WDR3: variants seen among roughly 807,000 people sequenced by gnomAD.
The protein encoded by WDR3 is WD repeat-containing protein 3.
A neutral mutation model predicts 123.7 loss-of-function variants in WDR3; 81 were observed. The ratio of observed to expected loss-of-function variants is 0.65; its 90% CI spans 0.55 to 0.79. WDR3 has a LOEUF of 0.79. Ranked by LOEUF, WDR3 falls within the 30% of genes least tolerant of loss-of-function variation. WDR3 has a pLI of 0.00. For synonymous variants in WDR3, 390 were observed against 388.8 expected (o/e 1.00, Z -0.04); for missense variants, 1,027 against 1,123.2 (o/e 0.91, Z 1.22).
Position 117,965,620 on chromosome 1 carries a change from G to C in WDR3, c.*6173G>C, listed in dbSNP as rs947118611. ...GACTGTTCCCCCACTCCCAGTTCTT[G>C]TCCTCACACATGGCCCATTCAGGTA... On this transcript the variant is annotated 3_prime_UTR_variant, in exon 27 of 27. Transcript: ENST00000349139. 3 of 151,860 alleles carry C rather than the reference G, an allele frequency of 2.0e-5. No individual in the cohort carries two copies. Among genetic ancestry groups the C allele is most frequent in the Non-Finnish European group, 2.9e-5 (2 of 68,018 alleles). 9.4% of individuals were successfully genotyped at this position (151,860 alleles called of 1,614,324 possible). A position where few individuals can be genotyped will look rare whatever the true frequency, so the allele number is the denominator to read the frequency against.
Position 117,950,056 on chromosome 1 carries a change from T to A in WDR3, c.1672T>A (p.Ser558Thr), listed in dbSNP as rs746519634. Residue 558 changes from serine to threonine, a missense_variant, in exon 15 of 27, where the codon TCT (serine) becomes ACT (threonine). By Grantham distance (58) the Ser-to-Thr change is moderately conservative. Coordinates refer to ENST00000349139, the MANE Select transcript of WDR3 (RefSeq NM_006784.3). ...LDEDVLCVSYSPNQKLLAVSL... is the reference protein window; with the variant it reads ...LDEDVLCVSYTPNQKLLAVSL... The stretch of plus-strand genomic sequence containing the variant: ...TGAAGATGTTCTGTGTGTCAGTTAC[T>A]CTCCCAATCAAAAGCTATTGGCTGT... The A allele has an allele frequency of 5.0e-6, 8 of 1,613,910 alleles. No individual in the cohort carries two copies. The East Asian group carries it at 1.6e-4, about 31-fold the overall frequency.
intron 12 of WDR3, among the ~76,000 whole-genome samples, chr1:117,946,928 A>G (rs529935465): frequency 6.3e-4 from 91 of 145,130 alleles, no homozygotes; most frequent in Middle Eastern, 6.8e-3. Flanking sequence ...GTGACAGAGC[A>G]AGACTCCATC....
chr1:117,930,358 G>A (rs969935385), intron 1 of WDR3, among the ~76,000 whole-genome samples: 9 of 152,308 alleles, frequency 5.9e-5, no homozygotes, highest in African/African-American at 1.7e-4. Flanking sequence ...GTGGGCCTCA[G>A]AAGATAATAT....
intron 24 of WDR3, 81 bp from the exon 25 acceptor site, chr1:117,956,985 TAA>T: frequency 8.0e-7 from 1 of 1,248,466 alleles, no homozygotes; most frequent in Non-Finnish European, 1.1e-6. Flanking sequence ...GTAGAAAAAA[TAA>T]TAAAGGGAAG....
intron 9 of WDR3, 144 bp downstream of exon 9, chr1:117,941,991 A>G (rs1048577745): frequency 1.5e-6 from 2 of 1,323,488 alleles, no homozygotes; most frequent in Non-Finnish European, 2.0e-6. Context: ...GATAACCCAA[A>G]TTTGTCAAGT....
chr1:117,955,079 T>C (rs1301616967), intron 23 of WDR3: 3 of 435,788 alleles, frequency 6.9e-6, no homozygotes, highest in Non-Finnish European at 1.2e-5. Context: ...TGAGTCAGGG[T>C]ATCTTCACCT....
intron 3 of WDR3, among the ~76,000 whole-genome samples, chr1:117,935,730 T>C (rs1449897120): frequency 6.6e-6 from 1 of 151,716 alleles, no homozygotes; most frequent in Admixed American, 6.6e-5. Context: ...TAAGTAAATA[T>C]CCGATAGCAA....
Position 117,936,871 on chromosome 1 carries a change from A to C in WDR3, c.484A>C (p.Asn162His), listed in dbSNP as rs144826253. ...ITQALFLREK[N>H]LLVTSGKDTM... ...ACAAGCATTGTTTCTACGAGAAAAGAACCTGCTAGTTACTAGGTAAAGAAA... is the reference window on the plus strand; with the variant it reads ...ACAAGCATTGTTTCTACGAGAAAAGCACCTGCTAGTTACTAGGTAAAGAAA... The change falls in exon 4 of 27, where the codon AAC (asparagine) becomes CAC (histidine). Residue 162 changes from asparagine to histidine, a missense_variant. Physicochemically the swap from Asn to His is moderately conservative, Grantham distance 68. Transcript: ENST00000349139. 1.5e-5 allele frequency: 24 copies of C among 1,612,586 alleles called. No homozygotes were observed. The African/African-American group carries it at 2.8e-4, about 19-fold the overall frequency.
chr1:117,935,882 A>C (rs1313098632), intron 3 of WDR3, among the ~76,000 whole-genome samples: 1 of 151,964 alleles, frequency 6.6e-6, no homozygotes, highest in Non-Finnish European at 1.5e-5. Flanking sequence ...CAATATAAAA[A>C]GAAAGGATTA....
At position 117,962,794 on chromosome 1, in the gene WDR3, C is replaced by G. The variant is rs1054477073; in HGVS notation, c.*3347C>G. ...AGATCTAGGACAGTGCCCAGGAAAG[C>G]AATGGTATCTGTTGGTAGGTACAGG... On this transcript the variant is annotated 3_prime_UTR_variant, in exon 27 of 27. Coordinates refer to ENST00000349139, the MANE Select transcript of WDR3 (RefSeq NM_006784.3). The G allele has an allele frequency of 6.6e-6, 1 of 152,190 alleles. No homozygotes were observed. Among genetic ancestry groups the G allele is most frequent in the Non-Finnish European group, 1.5e-5 (1 of 68,050 alleles). The allele number at this position is 152,190 out of a possible 1,614,324, so 9.4% of individuals were successfully genotyped here.
rs532914188 is a variant in WDR3 at position 117,952,515 on chromosome 1, T to C, written c.2017-13T>C. ...ATGAATGAGGTATTCTTTATTTTTT[T>C]TTTCTCCTCCAGGGTCATCACCAGG... On this transcript the variant is annotated splice_polypyrimidine_tract_variant and intron_variant, in intron 18 of 26. Transcript: ENST00000349139. 1.3e-6 allele frequency: 2 copies of C among 1,597,438 alleles called. No individual in the cohort carries two copies. Among genetic ancestry groups the C allele is most frequent in the East Asian group, 4.5e-5 (2 of 44,796 alleles).
chr1:117,959,025 T>C, intron 26 of WDR3, 22 bp downstream of exon 26: 1 of 1,609,092 alleles, frequency 6.2e-7, no homozygotes, highest in South Asian at 1.1e-5. Flanking sequence ...TGTATAGAGA[T>C]AAAATAATGA....
Position 117,959,609 on chromosome 1 carries a change from A to G in WDR3, c.*162A>G. The G allele has an allele frequency of 4.4e-6, 3 of 682,906 alleles. No homozygotes were observed. Among genetic ancestry groups the G allele is most frequent in the Non-Finnish European group, 4.4e-6 (2 of 450,100 alleles). The allele number at this position is 682,906 out of a possible 1,614,324, so 42.3% of individuals were successfully genotyped here. A position where few individuals can be genotyped will look rare whatever the true frequency, so the allele number is the denominator to read the frequency against. On this transcript the variant is annotated 3_prime_UTR_variant, in exon 27 of 27. Transcript: ENST00000349139. ...TCCAGCTTTGCCTGAGGGAATTCCA[A>G]CATGAGATTATGGGCTGGCTCCATT...
intron 2 of WDR3, among the ~76,000 whole-genome samples, chr1:117,934,109 A>G (rs1650832819): frequency 6.6e-6 from 1 of 152,194 alleles, no homozygotes; most frequent in Admixed American, 6.5e-5. Context: ...TTTCTTATAA[A>G]ATGGGTCTCA....
chr1:117,959,394 GAGA>G lies in WDR3; in HGVS notation c.2786_2788del (p.Lys929del), dbSNP rs780836502. 11 of 1,613,742 alleles carry G rather than the reference GAGA, an allele frequency of 6.8e-6. No individual in the cohort carries two copies. Among genetic ancestry groups the G allele is most frequent in the East Asian group, 4.5e-5 (2 of 44,852 alleles). ...TGCTGATGCTACTAGCCACTTGGAA[GAGA>G]AGAAGAGGAAGAGGAAAAAGAGGGA... is the stretch of plus-strand genomic sequence containing the variant. On this transcript the variant is annotated inframe_deletion, in exon 27 of 27. Transcript: ENST00000349139.
chr1:117,935,177 T>C (rs1650868231), intron 3 of WDR3, among the ~76,000 whole-genome samples: 1 of 152,222 alleles, frequency 6.6e-6, no homozygotes, highest in African/African-American at 2.4e-5. Context: ...ATCCATGTTC[T>C]TGAATGGGAA....
chr1:117,948,591 G>A, intron 13 of WDR3, 85 bp downstream of exon 13: 1 of 806,680 alleles, frequency 1.2e-6, no homozygotes, highest in East Asian at 3.0e-5. Flanking sequence ...GAAAGCCTGA[G>A]GTTTTTTTTT....
At position 117,959,853 on chromosome 1, in the gene WDR3, G is replaced by T. The variant is rs1652788844; in HGVS notation, c.*406G>T. 1 of 153,790 alleles carries T rather than the reference G, an allele frequency of 6.5e-6. No homozygotes were observed. The highest frequency in any genetic ancestry group is 1.4e-5 in the Non-Finnish European group (1 of 69,272). The allele number at this position is 153,790 out of a possible 1,614,324, so 9.5% of individuals were successfully genotyped here. A position where few individuals can be genotyped will look rare whatever the true frequency, so the allele number is the denominator to read the frequency against. On this transcript the variant is annotated 3_prime_UTR_variant, in exon 27 of 27. Transcript: ENST00000349139. ...TCATTTATTTATATTAGGTTTTACT[G>T]CCTATTGAGACAACCAGGTGCATAA...
chr1:117,938,628 C>T (rs543759072), intron 5 of WDR3, 70 bp downstream of exon 5: 693 of 1,368,826 alleles, frequency 5.1e-4, no homozygotes, highest in Non-Finnish European at 6.7e-4. Flanking sequence ...GTCTTCTCTT[C>T]CCCTTTCATG....
Sources: allele counts gnomAD v4.1 joint callset (sites outside exome capture counted in the v4.1 genomes callset), GRCh38; gene constraint gnomAD v4.1.1; transcripts MANE v1.5; gene names NCBI Gene and HGNC (gene_info 2026-07-23, HGNC 2026-07-21).